The following FBXL17 variants were observed in gnomAD, a reference collection of about 807,000 sequenced individuals.
FBXL17 encodes the protein F-box/LRR-repeat protein 17.
In FBXL17, 22 loss-of-function variants were observed where a neutral mutation model predicts 66.2. The ratio of observed to expected loss-of-function variants is 0.33; its 90% CI spans 0.24 to 0.47. The LOEUF is 0.47. Among genes scored for constraint, FBXL17 ranks in the 20% least tolerant of loss-of-function variants. FBXL17 has a pLI of 1.00. For synonymous variants in FBXL17, 474 were observed against 400.5 expected (o/e 1.18, Z -2.19); for missense variants, 878 against 948.2 (o/e 0.93, Z 0.97).
intron 4 of FBXL17, among the ~76,000 whole-genome samples, chr5:108,225,803 C>T (rs1189673525): frequency 6.6e-6 from 1 of 152,168 alleles, no homozygotes; most frequent in East Asian, 1.9e-4. Context: ...CATTCATTGT[C>T]ACTATCCTAT....
chr5:108,359,900 A>G (rs548008576), intron 3 of FBXL17, among the ~76,000 whole-genome samples: 2 of 152,262 alleles, frequency 1.3e-5, no homozygotes, highest in South Asian at 4.1e-4. Context: ...TAAGTCTCAA[A>G]TGATTAATGT....
intron 4 of FBXL17, among the ~76,000 whole-genome samples, chr5:108,255,846 T>G (rs996242003): frequency 1.3e-5 from 2 of 152,158 alleles, no homozygotes; most frequent in Non-Finnish European, 1.5e-5. Flanking sequence ...GATGAAAAGG[T>G]TTTGTTCCTG....
At chr5:108,134,654 G>A (rs1240125198) in intron 6 of FBXL17, among the ~76,000 whole-genome samples, 2 of 152,138 alleles carry the variant, frequency 1.3e-5, no homozygotes, top group East Asian at 3.9e-4. Flanking sequence ...AGTGTGACAA[G>A]AGTAAATATT....
intron 5 of FBXL17, among the ~76,000 whole-genome samples, chr5:108,194,916 T>C (rs1471947735): frequency 6.6e-6 from 1 of 152,226 alleles, no homozygotes; most frequent in African/African-American, 2.4e-5. Context: ...TGGTAACCAC[T>C]GCTCTGGTGC....
At chr5:108,380,429 T>G (rs1030179734) in intron 1 of FBXL17, among the ~76,000 whole-genome samples, 1 of 152,162 alleles carries the variant, frequency 6.6e-6, no homozygotes. Context: ...TCTAAACCAC[T>G]GGGTTGGGAT....
chr5:108,194,279 C>T (rs1561457486), intron 5 of FBXL17, among the ~76,000 whole-genome samples: 1 of 152,222 alleles, frequency 6.6e-6, no homozygotes, highest in Admixed American at 6.5e-5. Context: ...ATTCTGATAA[C>T]TTAGAAGTAT....
chr5:107,860,638 A>C lies in FBXL17; in HGVS notation c.*1082T>G, dbSNP rs1353892684. On this transcript the variant is annotated 3_prime_UTR_variant, in exon 9 of 9. Coordinates refer to ENST00000542267, the MANE Select transcript of FBXL17 (RefSeq NM_001163315.3). ...CAATAGATCTTTGCAGTAGCATGAG[A>C]ACTAGTCCAAAATGACAACATGCAT... 3.3e-5 allele frequency: 5 copies of C among 152,638 alleles called. No individual in the cohort carries two copies. Among genetic ancestry groups the C allele is most frequent in the African/African-American group, 1.2e-4 (5 of 41,452 alleles). 9.5% of individuals were successfully genotyped at this position (152,638 alleles called of 1,614,324 possible).
intron 6 of FBXL17, among the ~76,000 whole-genome samples, chr5:108,051,135 A>G (rs532792687): frequency 3.7e-4 from 57 of 152,362 alleles, no homozygotes; most frequent in Admixed American, 1.4e-3. Flanking sequence ...AGATGCATTC[A>G]TAGCCCAATT....
intron 5 of FBXL17, among the ~76,000 whole-genome samples, chr5:108,217,834 CTT>C (rs1280856085): frequency 6.6e-6 from 1 of 152,036 alleles, no homozygotes; most frequent in East Asian, 1.9e-4. Context: ...ATGAGTCTGA[CTT>C]TGTTAGATTC....
At position 108,381,298 on chromosome 5, in the gene FBXL17, C is replaced by T; in HGVS notation, c.394G>A (p.Ala132Thr). 2 of 1,403,154 alleles carry T rather than the reference C, an allele frequency of 1.4e-6. No individual in the cohort carries two copies. The highest frequency in any genetic ancestry group is 3.1e-5 in the East Asian group (1 of 32,486). The allele number at this position is 1,403,154 out of a possible 1,614,324, so 86.9% of individuals were successfully genotyped here. A position where few individuals can be genotyped will look rare whatever the true frequency, so the allele number is the denominator to read the frequency against. ...SSAAAAAAAAASASSPASCCK... is the reference protein window; with the variant it reads ...SSAAAAAAAATSASSPASCCK... ...CAGGAGGCGGGCGACGAAGCCGAGG[C>T]GGCAGCGGCGGCGGCGGCGGCGGCC... The change falls in exon 1 of 9, where the codon GCC becomes ACC. Residue 132 changes from alanine to threonine, a missense_variant. Ala to Thr is a moderately conservative substitution (Grantham distance 58, BLOSUM62 0). Around this residue, in one of 4 missense-constraint regions of FBXL17, gnomAD observed 605 missense variants for 509.5 expected, o/e 1.19. Transcript: ENST00000542267.
intron 6 of FBXL17, among the ~76,000 whole-genome samples, chr5:108,036,645 A>T (rs537492983): frequency 6.6e-6 from 1 of 152,230 alleles, no homozygotes; most frequent in East Asian, 1.9e-4. Context: ...CATTGTATGA[A>T]GTATGTCATC....
At chr5:108,269,586 C>T (rs1278866063) in intron 4 of FBXL17, among the ~76,000 whole-genome samples, 3 of 151,998 alleles carry the variant, frequency 2.0e-5, no homozygotes, top group Non-Finnish European at 4.4e-5. Context: ...AATCTTCATT[C>T]TCTAGACCTG....
chr5:108,296,575 C>T (rs1377338677), intron 4 of FBXL17, among the ~76,000 whole-genome samples: 4 of 151,760 alleles, frequency 2.6e-5, no homozygotes, highest in African/African-American at 9.7e-5. Context: ...AGGGTTAAGA[C>T]TTTGATGCAG....
chr5:108,169,946 T>C (rs2150015283), intron 6 of FBXL17, among the ~76,000 whole-genome samples: 1 of 152,312 alleles, frequency 6.6e-6, no homozygotes, highest in East Asian at 1.9e-4. Flanking sequence ...TTAACTCTCA[T>C]GCTGTTAACA....
chr5:108,358,675 G>A (rs942949432), intron 3 of FBXL17, among the ~76,000 whole-genome samples: 3 of 152,004 alleles, frequency 2.0e-5, no homozygotes, highest in Admixed American at 2.0e-4. Context: ...AGGGTCTTGG[G>A]CTGGCTAATG....
At chr5:108,050,722 C>T (rs1192309672) in intron 6 of FBXL17, among the ~76,000 whole-genome samples, 1 of 151,806 alleles carries the variant, frequency 6.6e-6, no homozygotes, top group Non-Finnish European at 1.5e-5. Context: ...ACTGAAGAAA[C>T]TAAGAGACAC....
chr5:108,107,780 C>G (rs907153232), intron 6 of FBXL17, among the ~76,000 whole-genome samples: 26 of 147,988 alleles, frequency 1.8e-4, no homozygotes, highest in African/African-American at 6.4e-4. Context: ...CCACTGCACT[C>G]CGGCCTGGGC....
chr5:108,114,646 T>C (rs1750171212), intron 6 of FBXL17, among the ~76,000 whole-genome samples: 1 of 152,204 alleles, frequency 6.6e-6, no homozygotes, highest in Non-Finnish European at 1.5e-5. Context: ...TTTACCCTGA[T>C]ACTGAGTGGA....
chr5:108,026,669 C>A (rs2909882), intron 6 of FBXL17, among the ~76,000 whole-genome samples: 117,940 of 152,110 alleles, frequency 0.78, 46,102 homozygotes, highest in East Asian at 0.93. Context: ...CAATTATCTC[C>A]GGACACTCAT....
Sources: allele counts gnomAD v4.1 joint callset (sites outside exome capture counted in the v4.1 genomes callset), GRCh38; gene constraint gnomAD v4.1.1; regional missense constraint gnomAD v4.1.1; transcripts MANE v1.5; gene names NCBI Gene and HGNC (gene_info 2026-07-23, HGNC 2026-07-21).